The following FCER2 variants were observed in gnomAD, a reference collection of about 807,000 sequenced individuals.
FCER2 encodes the protein low affinity immunoglobulin epsilon Fc receptor.
Under a neutral mutation model 49.7 loss-of-function variants are expected in FCER2, and 38 were observed. The observed-to-expected ratio is 0.76, with a 90% CI of 0.59 to 1.00. The LOEUF (loss-of-function observed/expected upper bound fraction) is 1.00. FCER2 is among the 50% of genes least tolerant of loss of function. The pLI is 0.00. For synonymous variants in FCER2, 163 were observed against 164.6 expected (o/e 0.99, Z 0.07); for missense variants, 425 against 419.5 (o/e 1.01, Z -0.11).
intron 1 of FCER2, chr19:7,700,057 A>G (rs1599443837): frequency 4.1e-6 from 2 of 483,546 alleles, no homozygotes; most frequent in Non-Finnish European, 3.7e-6. Flanking sequence ...AGCCCATCAC[A>G]CTTGAGCTAC....
In FCER2 at chr19:7,696,841, C is replaced by T; in HGVS notation, c.453G>A (p.Glu151=). 6.3e-7 allele frequency: 1 copy of T among 1,580,688 alleles called. No individual in the cohort carries two copies. Among genetic ancestry groups the T allele is most frequent in the Non-Finnish European group, 8.6e-7 (1 of 1,162,274 alleles). The change falls in exon 8 of 11, where the codon GAG becomes GAA. Residue 151 remains glutamate, a synonymous_variant. Transcript: ENST00000597921. ...CACACTCACCGCTGGACACCTGCAA[C>T]TCCATCCTTAGCTTTGTCACCTCCT... ...LREEVTKLRM[E]LQVSSGFVCN...
At chr19:7,690,113 CG>C in intron 10 of FCER2, 45 bp downstream of exon 10, 1 of 1,213,106 alleles carries the variant, frequency 8.2e-7, no homozygotes, top group Non-Finnish European at 1.2e-6. Context: ...CCTCCCTCCA[CG>C]GTATTTCCAT....
Position 7,699,811 on chromosome 19 carries a change from C to T in FCER2, c.-51G>A, listed in dbSNP as rs376251026. ...TGATGGAGCACTCACTCCCTGACAA[C>T]GCAGTCCACTCAGCGGGCACAATCA... is the stretch of plus-strand genomic sequence containing the variant. On this transcript the variant is annotated 5_prime_UTR_variant, in exon 2 of 11. Coordinates refer to ENST00000597921, the MANE Select transcript of FCER2 (RefSeq NM_001220500.2). The T allele has an allele frequency of 1.3e-5, 20 of 1,581,450 alleles. No individual in the cohort carries two copies. Among genetic ancestry groups the T allele is most frequent in the African/African-American group, 6.7e-5 (5 of 74,228 alleles).
At chr19:7,692,305 C>T (rs936085832) in intron 8 of FCER2, among the ~76,000 whole-genome samples, 8 of 130,516 alleles carry the variant, frequency 6.1e-5, no homozygotes, top group Non-Finnish European at 1.1e-4. Flanking sequence ...ACCATCAGCA[C>T]GAATACATTC....
At chr19:7,690,361 C>T in intron 9 of FCER2, 45 bp downstream of exon 9, 1 of 1,608,232 alleles carries the variant, frequency 6.2e-7, no homozygotes, top group Non-Finnish European at 8.5e-7. Flanking sequence ...GGGGTCCCCC[C>T]ACCCTCGCCA....
In FCER2 at chr19:7,697,299, C is replaced by T. The variant is rs1248554189; in HGVS notation, c.254-1G>A. On this transcript the variant is annotated splice_acceptor_variant, in intron 5 of 10. Coordinates refer to ENST00000597921, the MANE Select transcript of FCER2 (RefSeq NM_001220500.2). LOFTEE classifies it high-confidence loss of function. ...TCCAGTTCCTGTGAAATCTGCGTGG[C>T]TGTTTGCAGGGGAGGGGGCTTCATG... 6.2e-7 allele frequency: 1 copy of T among 1,614,130 alleles called. No homozygotes were observed. Among genetic ancestry groups the T allele is most frequent in the Admixed American group, 1.7e-5 (1 of 60,022 alleles).
chr19:7,700,848 T>C (rs2033137598), intron 1 of FCER2, among the ~76,000 whole-genome samples: 2 of 150,610 alleles, frequency 1.3e-5, no homozygotes, highest in Admixed American at 1.3e-4. Flanking sequence ...TCTCGCTCTG[T>C]CACCCAGGCT....
At chr19:7,689,485 C>T in intron 10 of FCER2, 55 bp from the exon 11 acceptor site, 1 of 1,175,814 alleles carries the variant, frequency 8.5e-7, no homozygotes, top group South Asian at 1.4e-5. Flanking sequence ...AGCCCAGTTC[C>T]CGGCAGCCCT....
Position 7,698,419 on chromosome 19 carries a change from G to A in FCER2, c.137-10C>T. On this transcript the variant is annotated splice_polypyrimidine_tract_variant and intron_variant, in intron 3 of 10. Transcript: ENST00000597921. ...TGTGTGGTGTCCCAGTCTGGGGAGG[G>A]GGAGAGAAGAGGAGTGGAGAGGGGG... The A allele has an allele frequency of 6.2e-7, 1 of 1,608,594 alleles. No homozygotes were observed. Among genetic ancestry groups the A allele is most frequent in the South Asian group, 1.1e-5 (1 of 90,516 alleles).
At position 7,690,104 on chromosome 19, in the gene FCER2, C is replaced by A. The variant is rs1599431236; in HGVS notation, c.728+55G>T. 57 of 1,131,806 alleles carry A rather than the reference C, an allele frequency of 5.0e-5. 1 individual carries two copies. The East Asian group carries it at 1.3e-3, about 26-fold the overall frequency. 70.1% of individuals were successfully genotyped at this position (1,131,806 alleles called of 1,614,324 possible). On this transcript the variant is annotated intron_variant, in intron 10 of 10. Transcript: ENST00000597921. ...CCGATGCAGTTTATCTAGGGAGCTCCTCCCTCCACGGTATTTCCATCTCCT... is the reference window on the plus strand; with the variant it reads ...CCGATGCAGTTTATCTAGGGAGCTCATCCCTCCACGGTATTTCCATCTCCT...
intron 1 of FCER2, among the ~76,000 whole-genome samples, chr19:7,701,276 C>T (rs187084934): frequency 3.7e-4 from 57 of 152,230 alleles, no homozygotes; most frequent in Admixed American, 9.2e-4. Context: ...CTCTGATTAG[C>T]GGCAGCTCAA....
chr19:7,689,682 C>T (rs143183855), intron 10 of FCER2, among the ~76,000 whole-genome samples: 5 of 152,058 alleles, frequency 3.3e-5, no homozygotes, highest in East Asian at 1.9e-4. Context: ...GTGCAGTGCG[C>T]GATCTCAGCT....
intron 8 of FCER2, among the ~76,000 whole-genome samples, chr19:7,695,895 C>A (rs771784839): frequency 2.8e-5 from 4 of 144,962 alleles, no homozygotes; most frequent in Non-Finnish European, 6.0e-5. Flanking sequence ...TCAGCCTGGG[C>A]AAAAGAGTAA....
In FCER2 at chr19:7,696,699, C is replaced by T. The variant is rs2033021449; in HGVS notation, c.469+126G>A. ...TTATATCTTTGTGTCCTCCCGATGACACTCGGGTCACACAAACGTATAGAC... is the reference window on the plus strand; with the variant it reads ...TTATATCTTTGTGTCCTCCCGATGATACTCGGGTCACACAAACGTATAGAC... On this transcript the variant is annotated intron_variant, in intron 8 of 10. Transcript: ENST00000597921. 1.4e-5 allele frequency: 10 copies of T among 695,760 alleles called. No individual in the cohort carries two copies. In the Admixed American group the frequency reaches 2.0e-4, roughly 14 times the overall value. 43.1% of individuals were successfully genotyped at this position (695,760 alleles called of 1,614,324 possible).
Position 7,689,125 on chromosome 19 carries a change from A to G in FCER2, c.*68T>C, listed in dbSNP as rs2032781154. 2 of 1,130,422 alleles carry G rather than the reference A, an allele frequency of 1.8e-6. No individual in the cohort carries two copies. The highest frequency in any genetic ancestry group is 3.1e-5 in the African/African-American group (2 of 64,884). The allele number at this position is 1,130,422 out of a possible 1,614,324, so 70.0% of individuals were successfully genotyped here. On this transcript the variant is annotated 3_prime_UTR_variant, in exon 11 of 11. Coordinates refer to ENST00000597921, the MANE Select transcript of FCER2 (RefSeq NM_001220500.2). ...AAAATGTCACAGGGACCTTTCAGCC[A>G]CAAAGAGGCTTTTAGGCCGTGGTTG... is the stretch of plus-strand genomic sequence containing the variant.
chr19:7,700,754 C>G (rs1435599187), intron 1 of FCER2, among the ~76,000 whole-genome samples: 3 of 151,976 alleles, frequency 2.0e-5, no homozygotes, highest in Non-Finnish European at 4.4e-5. Context: ...ACCTCATGAT[C>G]CGCCCGCCTC....
intron 1 of FCER2, among the ~76,000 whole-genome samples, chr19:7,701,205 T>G (rs1309596745): frequency 1.3e-5 from 2 of 152,202 alleles, no homozygotes; most frequent in African/African-American, 2.4e-5. Context: ...CTTTCGCTGC[T>G]TGACTATAGG....
At chr19:7,696,336 C>A (rs11260021) in intron 8 of FCER2, among the ~76,000 whole-genome samples, 27,941 of 151,636 alleles carry the variant, frequency 0.18, 3,111 homozygotes, top group African/African-American at 0.31. Context: ...CCTGACCTCA[C>A]ATAATCTATC....
chr19:7,698,275 A>C, intron 4 of FCER2, 81 bp downstream of exon 4: 8 of 1,007,108 alleles, frequency 7.9e-6, no homozygotes, highest in South Asian at 1.7e-5. Flanking sequence ...GCGAGGGGAC[A>C]CTGAGGCCCA....
Sources: allele counts gnomAD v4.1 joint callset (sites outside exome capture counted in the v4.1 genomes callset), GRCh38; gene constraint gnomAD v4.1.1; transcripts MANE v1.5; gene names NCBI Gene and HGNC (gene_info 2026-07-23, HGNC 2026-07-21).